The following IMMP2L variants were observed in gnomAD, a reference collection of about 807,000 sequenced individuals.
IMMP2L encodes inner mitochondrial membrane peptidase subunit 2.
A neutral mutation model predicts 19.3 loss-of-function variants in IMMP2L; 18 were observed. The observed-to-expected ratio is 0.93, with a 90% CI of 0.64 to 1.38. The LOEUF (loss-of-function observed/expected upper bound fraction) is 1.38, where lower values mean the gene tolerates loss of function less well. IMMP2L is among the 40% of genes most tolerant of loss of function. The pLI is 0.00. For synonymous variants in IMMP2L, 76 were observed against 73.0 expected (o/e 1.04, Z -0.21); for missense variants, 233 against 218.2 (o/e 1.07, Z -0.43).
chr7:111,154,010 G>A (rs1030442020), intron 3 of IMMP2L, among the ~76,000 whole-genome samples: 52 of 151,966 alleles, frequency 3.4e-4, no homozygotes, highest in African/African-American at 1.2e-3. Context: ...TATTCTCCCA[G>A]TAAGTTTTTT....
At chr7:111,114,979 CT>C (rs1477172264) in intron 3 of IMMP2L, among the ~76,000 whole-genome samples, 3 of 152,010 alleles carry the variant, frequency 2.0e-5, no homozygotes, top group Non-Finnish European at 4.4e-5. Flanking sequence ...ATAGAGATCT[CT>C]AGTTTAATTA....
intron 3 of IMMP2L, among the ~76,000 whole-genome samples, chr7:111,445,481 A>C (rs544430765): frequency 2.6e-5 from 4 of 152,288 alleles, no homozygotes; most frequent in African/African-American, 9.6e-5. Context: ...AAAATCATAC[A>C]AGATCATGAT....
chr7:111,097,081 C>T (rs1797478942), intron 3 of IMMP2L: 1 of 151,842 alleles, frequency 6.6e-6, no homozygotes, highest in African/African-American at 2.4e-5. Flanking sequence ...GGAGTGTAAA[C>T]ATCACCACTT....
intron 3 of IMMP2L, among the ~76,000 whole-genome samples, chr7:111,235,432 T>C (rs1344206696): frequency 2.6e-5 from 4 of 151,064 alleles, no homozygotes; most frequent in South Asian, 2.1e-4. Flanking sequence ...GATCATGCCA[T>C]TGCATTCCAG....
chr7:110,673,238 A>G (rs962135072), intron 5 of IMMP2L, among the ~76,000 whole-genome samples: 1 of 152,210 alleles, frequency 6.6e-6, no homozygotes, highest in Non-Finnish European at 1.5e-5. Flanking sequence ...CAATGGTCTG[A>G]GCTGTACCTT....
intron 5 of IMMP2L, among the ~76,000 whole-genome samples, chr7:110,725,484 T>A (rs1334656971): frequency 1.3e-5 from 2 of 152,092 alleles, no homozygotes; most frequent in Non-Finnish European, 2.9e-5. Context: ...GACATCCAAA[T>A]TTTTAAAAGA....
chr7:111,075,958 C>T (rs1263138182), intron 3 of IMMP2L, among the ~76,000 whole-genome samples: 1 of 152,158 alleles, frequency 6.6e-6, no homozygotes, highest in African/African-American at 2.4e-5. Flanking sequence ...CTCTCCCTTC[C>T]ACTTGCCAGC....
At chr7:110,950,391 A>G (rs1190629820) in intron 4 of IMMP2L, among the ~76,000 whole-genome samples, 1 of 152,042 alleles carries the variant, frequency 6.6e-6, no homozygotes, top group Non-Finnish European at 1.5e-5. Context: ...AAATCAGAAA[A>G]TATGTTGCCT....
chr7:111,452,290 C>G (rs939698034), intron 3 of IMMP2L, among the ~76,000 whole-genome samples: 2 of 152,074 alleles, frequency 1.3e-5, no homozygotes, highest in African/African-American at 4.8e-5. Context: ...ATTATTTTAA[C>G]AAGCTGTCAA....
intron 1 of IMMP2L, among the ~76,000 whole-genome samples, chr7:111,556,781 G>A (rs969458522): frequency 3.3e-5 from 5 of 151,278 alleles, no homozygotes; most frequent in Non-Finnish European, 5.9e-5. Context: ...ACTTTTATCC[G>A]TATCTATGGA....
intron 5 of IMMP2L, among the ~76,000 whole-genome samples, chr7:110,846,421 A>C (rs1726053131): frequency 6.8e-6 from 1 of 147,426 alleles, no homozygotes; most frequent in Non-Finnish European, 1.5e-5. Context: ...GCTGGAGTGC[A>C]GTGGCACAGT....
In IMMP2L at chr7:111,388,635, C is replaced by T. The variant is rs963007071; in HGVS notation, c.239+98603G>A. On this transcript the variant is annotated intron_variant, in intron 3 of 5. Transcript: ENST00000405709. ...GGCTGAGGAGGCCTCAGTATCATGGCAGGAAGCGAAAAGTACTTCTTACAT... is the reference window on the plus strand; with the variant it reads ...GGCTGAGGAGGCCTCAGTATCATGGTAGGAAGCGAAAAGTACTTCTTACAT... Among the ~76,000 whole-genome samples, 3 of 151,994 alleles carry T rather than the reference C, an allele frequency of 2.0e-5. No homozygotes were observed. The South Asian group carries it at 6.2e-4, about 32-fold the overall frequency.
intron 4 of IMMP2L, among the ~76,000 whole-genome samples, chr7:110,948,104 A>G (rs1477482753): frequency 6.6e-6 from 1 of 152,154 alleles, no homozygotes; most frequent in Non-Finnish European, 1.5e-5. Flanking sequence ...CAATTTCAAA[A>G]TCTGATTAGT....
intron 5 of IMMP2L, among the ~76,000 whole-genome samples, chr7:110,690,359 G>C (rs1435993544): frequency 6.6e-6 from 1 of 152,092 alleles, no homozygotes; most frequent in African/African-American, 2.4e-5. Context: ...AGTTCAGTCT[G>C]CCATACTGAT....
intron 3 of IMMP2L, among the ~76,000 whole-genome samples, chr7:111,339,038 C>T (rs542648751): frequency 1.3e-5 from 2 of 152,176 alleles, no homozygotes; most frequent in African/African-American, 4.8e-5. Context: ...AACTAAATTA[C>T]TGTAAAAACA....
intron 4 of IMMP2L, among the ~76,000 whole-genome samples, chr7:110,938,513 C>G (rs1816359777): frequency 6.6e-6 from 1 of 152,094 alleles, no homozygotes; most frequent in Admixed American, 6.6e-5. Context: ...AATGAAACAA[C>G]AAGAAATCCA....
At chr7:110,892,761 C>T (rs1346216167) in intron 4 of IMMP2L, among the ~76,000 whole-genome samples, 2 of 152,050 alleles carry the variant, frequency 1.3e-5, no homozygotes, top group African/African-American at 4.8e-5. Context: ...AATAGAGTTC[C>T]CTTATTGGGG....
intron 1 of IMMP2L, among the ~76,000 whole-genome samples, chr7:111,539,190 AGGAG>A (rs1269299739): frequency 0.01 from 601 of 58,786 alleles, 52 homozygotes; most frequent in Middle Eastern, 0.021. Flanking sequence ...GAAGGAAGGA[AGGAG>A]GGAGAAAGAA....
At chr7:110,888,669 C>T (rs891466103) in intron 4 of IMMP2L, among the ~76,000 whole-genome samples, 4 of 152,154 alleles carry the variant, frequency 2.6e-5, no homozygotes, top group Non-Finnish European at 4.4e-5. Flanking sequence ...GACAGTTACA[C>T]GTTTCCTTGC....
Sources: allele counts gnomAD v4.1 joint callset (sites outside exome capture counted in the v4.1 genomes callset), GRCh38; gene constraint gnomAD v4.1.1; transcripts MANE v1.5; gene names NCBI Gene and HGNC (gene_info 2026-07-23, HGNC 2026-07-21).